Variants in DAB1 observed in about 807,000 individuals in gnomAD.
The protein encoded by DAB1 is DAB adaptor protein 1, also known as disabled homolog 1.
DAB1 carries 15 observed loss-of-function variants against 64.6 expected under a neutral mutation model. That is an observed-to-expected ratio of 0.23 (90% CI 0.16 to 0.36). DAB1 has a LOEUF of 0.36. Among genes scored for constraint, DAB1 ranks in the 10% least tolerant of loss-of-function variants. The pLI is 1.00. For synonymous variants in DAB1, 235 were observed against 251.9 expected, an observed-to-expected ratio of 0.93 and a Z score of 0.64; for missense variants, 596 against 706.7, an observed-to-expected ratio of 0.84 and a Z score of 1.78.
At chr1:57,977,192 C>T (rs1365961463) in intron 5 of DAB1, among the ~76,000 whole-genome samples, 1 of 152,142 alleles carries the variant, frequency 6.6e-6, no homozygotes, top group Non-Finnish European at 1.5e-5. Flanking sequence ...CCTGGGGCAA[C>T]AAACCCACTC....
intron 7 of DAB1, among the ~76,000 whole-genome samples, chr1:57,638,889 T>TGGAAAGAGAGGGTTCTAC (rs1646092563): frequency 6.6e-6 from 1 of 151,922 alleles, no homozygotes; most frequent in African/African-American, 2.4e-5. Flanking sequence ...AAGGTGGGGA[T>TGGAAAGAGAGGGTTCTAC]GGAAAGAGAG....
At chr1:57,232,518 G>A (rs780518269) in intron 2 of DAB1, among the ~76,000 whole-genome samples, 39 of 151,914 alleles carry the variant, frequency 2.6e-4, no homozygotes, top group Non-Finnish European at 5.0e-4. Context: ...TGAAACTTAC[G>A]TTCTCTAACA....
intron 9 of DAB1, among the ~76,000 whole-genome samples, chr1:57,040,894 C>T (rs754054519): frequency 6.6e-6 from 1 of 152,158 alleles, no homozygotes. Context: ...GGATTCAAAA[C>T]ACTTTTGGGG....
chr1:57,351,076 A>C (rs981970019), intron 1 of DAB1, among the ~76,000 whole-genome samples: 9 of 152,266 alleles, frequency 5.9e-5, no homozygotes, highest in Non-Finnish European at 1.3e-4. Flanking sequence ...TCCATTATCC[A>C]CTTAATGTTA....
chr1:57,373,792 C>G (rs749692846), intron 1 of DAB1, among the ~76,000 whole-genome samples: 1 of 152,188 alleles, frequency 6.6e-6, no homozygotes, highest in East Asian at 1.9e-4. Flanking sequence ...ATTTCAAGAA[C>G]ATAATCGCCG....
At chr1:57,186,997 A>G (rs1275543988) in intron 2 of DAB1, among the ~76,000 whole-genome samples, 1 of 152,064 alleles carries the variant, frequency 6.6e-6, no homozygotes, top group Non-Finnish European at 1.5e-5. Flanking sequence ...TCAATTTTTT[A>G]TGGTTATTGT....
intron 2 of DAB1, among the ~76,000 whole-genome samples, chr1:57,181,515 C>G (rs370309502): frequency 2.2e-4 from 34 of 152,286 alleles, no homozygotes; most frequent in Admixed American, 7.2e-4. Flanking sequence ...GAATGGATTA[C>G]ATGTTTCCTT....
intron 3 of DAB1, among the ~76,000 whole-genome samples, chr1:58,446,791 G>A (rs1042318640): frequency 6.6e-6 from 1 of 152,192 alleles, no homozygotes; most frequent in African/African-American, 2.4e-5. Context: ...CTAAGGATAA[G>A]CTCTGCCCCT....
At chr1:58,499,314 CA>C (rs58217798) in intron 3 of DAB1, among the ~76,000 whole-genome samples, 2,373 of 69,808 alleles carry the variant, frequency 0.034, 19 homozygotes, top group African/African-American at 0.09. Context: ...CACATCTCTA[CA>C]AAAAAAAAAA....
chr1:58,088,820 G>T (rs1570337125), intron 5 of DAB1, among the ~76,000 whole-genome samples: 1 of 152,138 alleles, frequency 6.6e-6, no homozygotes. Flanking sequence ...AGACATCAAG[G>T]CTACAACACC....
intron 5 of DAB1, among the ~76,000 whole-genome samples, chr1:58,019,300 G>C (rs1213343257): frequency 3.3e-5 from 5 of 152,138 alleles, no homozygotes; most frequent in South Asian, 2.1e-4. Context: ...CAAACGCTAT[G>C]ACTTCAAAGC....
intron 4 of DAB1, among the ~76,000 whole-genome samples, chr1:58,337,269 G>A (rs1437241851): frequency 1.4e-5 from 2 of 145,448 alleles, no homozygotes; most frequent in African/African-American, 5.1e-5. Flanking sequence ...TTGACAGAGC[G>A]AGACTCTGTC....
intron 4 of DAB1, among the ~76,000 whole-genome samples, chr1:58,286,596 T>A (rs1052058694): frequency 2.6e-5 from 4 of 152,154 alleles, no homozygotes; most frequent in African/African-American, 9.7e-5. Flanking sequence ...ATTAGAGAAA[T>A]GCAAATCCAA....
intron 4 of DAB1, among the ~76,000 whole-genome samples, chr1:58,173,496 C>T (rs542122084): frequency 1.7e-4 from 26 of 152,246 alleles, no homozygotes; most frequent in African/African-American, 6.0e-4. Flanking sequence ...TAGTGAATGC[C>T]TTCTCATCCC....
At chr1:58,310,105 A>G (rs1440877446) in intron 4 of DAB1, among the ~76,000 whole-genome samples, 1 of 152,156 alleles carries the variant, frequency 6.6e-6, no homozygotes, top group Middle Eastern at 3.2e-3. Flanking sequence ...ACACATGCTC[A>G]CACATACACA....
chr1:57,906,268 G>C (rs1644549956), intron 5 of DAB1, among the ~76,000 whole-genome samples: 1 of 152,128 alleles, frequency 6.6e-6, no homozygotes, highest in South Asian at 2.1e-4. Context: ...TATAGCATCA[G>C]GCACTGCTCT....
chr1:57,277,770 C>A (rs1437549270), intron 2 of DAB1, among the ~76,000 whole-genome samples: 1 of 152,156 alleles, frequency 6.6e-6, no homozygotes. Context: ...TTCCCGTGCA[C>A]ATTTGTCAAA....
intron 2 of DAB1, among the ~76,000 whole-genome samples, chr1:57,271,221 G>A (rs1020090932): frequency 7.2e-5 from 11 of 152,122 alleles, no homozygotes; most frequent in African/African-American, 1.9e-4. Context: ...ATAGGGTGCC[G>A]GATGGCTATT....
intron 1 of DAB1, among the ~76,000 whole-genome samples, chr1:57,340,771 CG>C (rs1308581565): frequency 3.9e-5 from 6 of 152,182 alleles, no homozygotes; most frequent in Non-Finnish European, 8.8e-5. Flanking sequence ...AGCCGAAGTA[CG>C]GAGTTTTAAT....
Sources: gnomAD v4.1 joint callset for allele counts (sites outside exome capture counted in the v4.1 genomes callset) on GRCh38, gnomAD v4.1.1 for gene constraint, MANE v1.5 for transcripts, NCBI Gene and HGNC (gene_info 2026-07-23, HGNC 2026-07-21) for gene names.